The following ATRX variants were observed in gnomAD, a reference collection of about 807,000 sequenced individuals.
ATRX encodes chromatin remodeler ATRX.
In ATRX, 12 loss-of-function variants were observed where a neutral mutation model predicts 172.6. That is an observed-to-expected ratio of 0.07 (90% CI 0.04 to 0.11). The LOEUF is 0.11. ATRX is among the 10% of genes least tolerant of loss of function. The pLI is 1.00. For synonymous variants in ATRX, 674 were observed against 594.7 expected (o/e 1.13, Z -1.94); for missense variants, 1,368 against 1,767.4 (o/e 0.77, Z 4.05).
chrX:77,576,148 C>G (rs782456208), intron 27 of ATRX, among the ~76,000 whole-genome samples: 4 of 111,526 alleles, frequency 3.6e-5, no homozygotes, highest in Non-Finnish European at 7.5e-5. Flanking sequence ...TACAACCCTA[C>G]TAGTGGTCAA....
At chrX:77,772,769 G>C (rs1162955146) in intron 1 of ATRX, among the ~76,000 whole-genome samples, 1 of 109,925 alleles carries the variant, frequency 9.1e-6, no homozygotes, top group Non-Finnish European at 1.9e-5. Context: ...CCAAAGGCGT[G>C]AGTCACCACA....
rs375266058 is a variant in ATRX at position 77,786,035 on chromosome X, T to C, written c.-34A>G. 1.3e-5 allele frequency: 15 copies of C among 1,180,569 alleles called. No homozygotes were observed. Among genetic ancestry groups the C allele is most frequent in the Non-Finnish European group, 1.6e-5 (14 of 880,409 alleles). ...TTGAACGCCTTGTCGGCTTCTGTGA[T>C]TGCTGGGCGCCGATCTGCGCTCCCC... is the stretch of plus-strand genomic sequence containing the variant. On this transcript the variant is annotated 5_prime_UTR_variant, in exon 1 of 35. Transcript: ENST00000373344.
rs2064847938 is a variant in ATRX at position 77,557,467 on chromosome X, G to A, written c.6683C>T (p.Thr2228Ile). The change falls in exon 30 of 35, where the codon ACT becomes ATT. Residue 2228 changes from threonine (T) to isoleucine (I), a missense_variant. Thr to Ile is a moderately conservative substitution (Grantham distance 89). This residue lies in a region of ATRX where 18 missense variants were observed against 52.4 expected (regional missense o/e 0.34). Coordinates refer to ENST00000373344, the MANE Select transcript of ATRX (RefSeq NM_000489.6). ...PNSEKKKKRD[T>I]PMLPKDTILA... ...TATGTTTACCTTTGGCAGCATGGGA[G>A]TATCCCTCTTCTTCTTCTTTTCTGA... 8.3e-7 allele frequency: 1 copy of A among 1,208,561 alleles called. No individual in the cohort carries two copies. Among genetic ancestry groups the A allele is most frequent in the Non-Finnish European group, 1.1e-6 (1 of 894,381 alleles).
chrX:77,619,189 C>T (rs2067481439), intron 20 of ATRX, among the ~76,000 whole-genome samples: 2 of 111,073 alleles, frequency 1.8e-5, no homozygotes, highest in Non-Finnish European at 3.8e-5. Flanking sequence ...AAGTAAAAAC[C>T]ATCCCTAAAT....
At chrX:77,691,884 A>AT (rs1394238276) in intron 6 of ATRX, among the ~76,000 whole-genome samples, 1 of 112,068 alleles carries the variant, frequency 8.9e-6, no homozygotes, top group Non-Finnish European at 1.9e-5. Context: ...GTAACAAATC[A>AT]TTAAGATGAA....
chrX:77,696,153 G>A (rs1464798936), intron 5 of ATRX, among the ~76,000 whole-genome samples: 2 of 111,808 alleles, frequency 1.8e-5, no homozygotes, highest in Non-Finnish European at 3.8e-5. Context: ...TTAGCCTTAG[G>A]GAATTTAAGA....
chrX:77,608,368 CA>C (rs782356472), intron 22 of ATRX, among the ~76,000 whole-genome samples: 4,817 of 37,837 alleles, frequency 0.13, 316 homozygotes, highest in African/African-American at 0.33. Flanking sequence ...GACCCCGTCT[CA>C]AAAAAAAAAA....
intron 15 of ATRX, among the ~76,000 whole-genome samples, chrX:77,644,032 C>T (rs897759956): frequency 2.1e-4 from 23 of 111,644 alleles, no homozygotes; most frequent in South Asian, 7.5e-4. Context: ...CTCTGCCTCC[C>T]GGGTTCAAGC....
At chrX:77,625,142 G>A (rs942282847) in intron 19 of ATRX, among the ~76,000 whole-genome samples, 1 of 111,960 alleles carries the variant, frequency 8.9e-6, no homozygotes, top group African/African-American at 3.2e-5. Context: ...ATAAAGTGGG[G>A]AAAAGACACC....
intron 28 of ATRX, among the ~76,000 whole-genome samples, chrX:77,567,580 AGAACTG>A (rs2065245611): frequency 1.8e-5 from 2 of 111,066 alleles, no homozygotes; most frequent in Non-Finnish European, 3.8e-5. Context: ...AAAACCTGAC[AGAACTG>A]AAGGAGAAAC....
intron 1 of ATRX, among the ~76,000 whole-genome samples, chrX:77,775,372 A>T (rs1466831548): frequency 2.7e-5 from 3 of 111,369 alleles, no homozygotes; most frequent in African/African-American, 9.8e-5. Context: ...TCATCTCCTG[A>T]GGTTACAGTT....
intron 1 of ATRX, among the ~76,000 whole-genome samples, chrX:77,772,221 G>T (rs1202240575): frequency 9.3e-6 from 1 of 107,632 alleles, no homozygotes; most frequent in Non-Finnish European, 1.9e-5. Context: ...CTTGAACCCG[G>T]GAGGCAGAGA....
At chrX:77,782,956 A>G (rs2076616981) in intron 1 of ATRX, among the ~76,000 whole-genome samples, 1 of 110,489 alleles carries the variant, frequency 9.1e-6, no homozygotes, top group Non-Finnish European at 1.9e-5. Flanking sequence ...GCAGAGAGCC[A>G]GGCGCGGTGG....
At chrX:77,587,591 G>T (rs1416459603) in intron 27 of ATRX, among the ~76,000 whole-genome samples, 1 of 111,628 alleles carries the variant, frequency 9.0e-6, no homozygotes, top group Non-Finnish European at 1.9e-5. Flanking sequence ...ACTCAACATT[G>T]TACTTGAGGT....
At position 77,727,317 on chromosome X, in the gene ATRX, A is replaced by G. The variant is rs782416688; in HGVS notation, c.21-10074T>C. ...ATTAGAAATACCATTTGACCCAGCA[A>G]TCCCATTACTGGGTATATACCCAAA... is the stretch of plus-strand genomic sequence containing the variant. On this transcript the variant is annotated intron_variant, in intron 1 of 34. Coordinates refer to ENST00000373344, the MANE Select transcript of ATRX (RefSeq NM_000489.6). Among the ~76,000 whole-genome samples the G allele has an allele frequency of 6.9e-4, 77 of 111,695 alleles. 1 individual carries two copies. The highest frequency in any genetic ancestry group is 2.3e-3 in the Admixed American group (24 of 10,492).
intron 1 of ATRX, among the ~76,000 whole-genome samples, chrX:77,780,968 G>A (rs1490152901): frequency 9.1e-6 from 1 of 110,472 alleles, no homozygotes; most frequent in Admixed American, 9.7e-5. Flanking sequence ...AGACCATCTA[G>A]TCTTGTTCGT....
intron 15 of ATRX, among the ~76,000 whole-genome samples, chrX:77,637,314 T>C (rs1243378811): frequency 8.9e-6 from 1 of 112,056 alleles, no homozygotes; most frequent in African/African-American, 3.2e-5. Context: ...AGATATAATA[T>C]ATGCACACAG....
At chrX:77,543,110 T>A (rs2064078027) in intron 30 of ATRX, among the ~76,000 whole-genome samples, 1 of 111,356 alleles carries the variant, frequency 9.0e-6, no homozygotes, top group Non-Finnish European at 1.9e-5. Context: ...TTAAACAAAT[T>A]TACAAGAAAA....
chrX:77,648,465 T>C (rs2069027462), intron 15 of ATRX, among the ~76,000 whole-genome samples: 1 of 110,820 alleles, frequency 9.0e-6, no homozygotes, highest in African/African-American at 3.3e-5. Context: ...CCTTTAAAAA[T>C]GCATACGTTA....
Sources: gnomAD v4.1 joint callset for allele counts (sites outside exome capture counted in the v4.1 genomes callset) on GRCh38, gnomAD v4.1.1 for gene constraint, gnomAD v4.1.1 regional missense constraint, MANE v1.5 for transcripts, NCBI Gene and HGNC (gene_info 2026-07-23, HGNC 2026-07-21) for gene names.